Variants in LRP1B observed in about 807,000 individuals in gnomAD.
LRP1B encodes the protein LDL receptor related protein 1B, also known as low-density lipoprotein receptor-related protein 1B.
In LRP1B, 217 loss-of-function variants were observed where a neutral mutation model predicts 556.6. The ratio of observed to expected loss-of-function variants is 0.39; its 90% CI spans 0.35 to 0.44. LRP1B has a LOEUF of 0.44. Ranked by LOEUF, LRP1B falls within the 20% of genes least tolerant of loss-of-function variation. LRP1B has a pLI of 1.00. For synonymous variants in LRP1B, 2,047 were observed against 1,865.8 expected, an observed-to-expected ratio of 1.10 and a Z score of -2.50; for missense variants, 5,053 against 5,620.8, an observed-to-expected ratio of 0.90 and a Z score of 3.23.
At position 140,457,630 on chromosome 2, in the gene LRP1B, C is replaced by A. The variant is rs1452964167; in HGVS notation, c.9647G>T (p.Gly3216Val). ...TTCAAACAATGTTAGTGCAATCACC[C>A]CTGGAATATCTTGATTAGGGACTGT... ...RHKVPNQDIPGVIALTLFEDY... is the reference protein window; with the variant it reads ...RHKVPNQDIPVVIALTLFEDY... Residue 3216 changes from glycine to valine, a missense_variant, in exon 61 of 91, where the codon GGG becomes GTG. Physicochemically the swap from Gly to Val is moderately radical, Grantham distance 109 (BLOSUM62 -3). Around this residue, in one of 5 missense-constraint regions of LRP1B, gnomAD observed 262 missense variants for 395.1 expected, o/e 0.66. Transcript: ENST00000389484. 1 of 1,613,222 alleles carries A rather than the reference C, an allele frequency of 6.2e-7. No homozygotes were observed. Among genetic ancestry groups the A allele is most frequent in the Non-Finnish European group, 8.5e-7 (1 of 1,179,356 alleles).
At chr2:140,567,620 G>C (rs1681173827) in intron 43 of LRP1B, among the ~76,000 whole-genome samples, 1 of 152,086 alleles carries the variant, frequency 6.6e-6, no homozygotes, top group Non-Finnish European at 1.5e-5. Flanking sequence ...TCATGACCCA[G>C]GTGCCAAAGT....
At chr2:140,681,467 A>T (rs1028826814) in intron 41 of LRP1B, among the ~76,000 whole-genome samples, 2 of 152,186 alleles carry the variant, frequency 1.3e-5, no homozygotes, top group African/African-American at 4.8e-5. Context: ...TCTAAACCTG[A>T]TGCAGAGTAC....
intron 3 of LRP1B, among the ~76,000 whole-genome samples, chr2:141,354,349 A>T (rs2683829): frequency 1.3e-5 from 2 of 151,840 alleles, no homozygotes; most frequent in South Asian, 2.1e-4. Context: ...TCACTCACAT[A>T]ATTCAGACAA....
At chr2:141,575,579 A>G (rs1453878479) in intron 2 of LRP1B, among the ~76,000 whole-genome samples, 1 of 152,224 alleles carries the variant, frequency 6.6e-6, no homozygotes, top group African/African-American at 2.4e-5. Flanking sequence ...AGCAATTGCA[A>G]CAAAAGCCAA....
At chr2:142,072,463 T>G (rs1705353837) in intron 1 of LRP1B, among the ~76,000 whole-genome samples, 1 of 151,886 alleles carries the variant, frequency 6.6e-6, no homozygotes, top group African/African-American at 2.4e-5. Flanking sequence ...AAACACATGC[T>G]CCCTAACCCC....
chr2:141,994,875 T>C (rs1574572500), intron 1 of LRP1B, among the ~76,000 whole-genome samples: 3 of 152,118 alleles, frequency 2.0e-5, no homozygotes, highest in Non-Finnish European at 4.4e-5. Context: ...AGATTATGCT[T>C]TCCTAATATC....
intron 3 of LRP1B, among the ~76,000 whole-genome samples, chr2:141,348,464 C>T (rs1521104): frequency 0.57 from 86,177 of 151,594 alleles, 25,233 homozygotes; most frequent in Non-Finnish European, 0.62. Flanking sequence ...TATTAATCAA[C>T]ATTTATTATT....
Position 141,258,367 on chromosome 2 carries a change from T to C in LRP1B, c.344-3726A>G, listed in dbSNP as rs1170180638. 2.0e-5 allele frequency among the ~76,000 whole-genome samples: 3 copies of C among 152,036 alleles called. No homozygotes were observed. In the East Asian group the frequency reaches 5.8e-4, roughly 29 times the overall value. On this transcript the variant is annotated intron_variant, in intron 3 of 90. Coordinates refer to ENST00000389484, the MANE Select transcript of LRP1B (RefSeq NM_018557.3). The stretch of plus-strand genomic sequence containing the variant: ...TGGGCGTGGTGGTGTGTGCCTGTAG[T>C]CCCAGCTACTCGGGAGGTTGAGGCA...
Position 140,247,213 on chromosome 2 carries a change from A to C in LRP1B, c.13248-51T>G. ...AACAGATCAGCGAATAACAAAGCCC[A>C]GAAGTCAGCTAATGTAGTAACTTTA... On this transcript the variant is annotated intron_variant, in intron 86 of 90. Coordinates refer to ENST00000389484, the MANE Select transcript of LRP1B (RefSeq NM_018557.3). 4 of 1,301,586 alleles carry C rather than the reference A, an allele frequency of 3.1e-6. No individual in the cohort carries two copies. The South Asian group carries it at 4.8e-5, about 15-fold the overall frequency. The allele number at this position is 1,301,586 out of a possible 1,614,324, so 80.6% of individuals were successfully genotyped here.
intron 66 of LRP1B, among the ~76,000 whole-genome samples, chr2:140,436,722 C>G (rs891636433): frequency 1.4e-4 from 21 of 150,544 alleles, no homozygotes; most frequent in African/African-American, 5.1e-4. Context: ...ATGTAAAGTT[C>G]CCTTCTGGAT....
intron 32 of LRP1B, among the ~76,000 whole-genome samples, chr2:140,791,606 C>A (rs944916651): frequency 1.3e-5 from 2 of 152,094 alleles, no homozygotes; most frequent in Non-Finnish European, 2.9e-5. Flanking sequence ...TAAATTCAAC[C>A]AAGTGCTATG....
chr2:140,948,047 T>G (rs935123318), intron 20 of LRP1B, among the ~76,000 whole-genome samples: 1 of 152,150 alleles, frequency 6.6e-6, no homozygotes, highest in Non-Finnish European at 1.5e-5. Flanking sequence ...CAAAGAGGTG[T>G]GCCACTAACT....
intron 2 of LRP1B, among the ~76,000 whole-genome samples, chr2:141,612,555 T>A (rs1688141539): frequency 6.6e-6 from 1 of 152,170 alleles, no homozygotes; most frequent in Admixed American, 6.5e-5. Context: ...GCAGTTGGGA[T>A]GTTTGTAAAT....
chr2:140,303,411 C>T (rs1683927709), intron 83 of LRP1B, among the ~76,000 whole-genome samples: 1 of 151,690 alleles, frequency 6.6e-6, no homozygotes, highest in South Asian at 2.1e-4. Flanking sequence ...CGATGCCTGG[C>T]TATTTTTTTG....
At chr2:141,642,176 T>G (rs1689361967) in intron 2 of LRP1B, among the ~76,000 whole-genome samples, 1 of 152,156 alleles carries the variant, frequency 6.6e-6, no homozygotes, top group African/African-American at 2.4e-5. Flanking sequence ...CGAGTATTGA[T>G]ATACACAAAT....
chr2:140,583,162 C>CTTTTTTTTTTTTTTTTT lies in LRP1B; in HGVS notation c.7194+15468_7194+15469insAAAAAAAAAAAAAAAAA, dbSNP rs1220644581. On this transcript the variant is annotated intron_variant, in intron 43 of 90. Transcript: ENST00000389484. Reference sequence around the variant, plus strand: ...TGAAAGTTTCTATTGACAGTTTCTCCTTTTTTTTCTTTTTTTTTTTTTTTT... The same window carrying CTTTTTTTTTTTTTTTTT: ...TGAAAGTTTCTATTGACAGTTTCTCCTTTTTTTTTTTTTTTTTTTTTTTTTCTTTTTTTTTTTTTTTT... 4.6e-5 allele frequency among the ~76,000 whole-genome samples: 5 copies of CTTTTTTTTTTTTTTTTT among 107,816 alleles called. 1 individual carries two copies. Among genetic ancestry groups the CTTTTTTTTTTTTTTTTT allele is most frequent in the Non-Finnish European group, 3.5e-5 (2 of 57,376 alleles). 70.7% of individuals were successfully genotyped at this position (107,816 alleles called of 152,430 possible). A position where few individuals can be genotyped will look rare whatever the true frequency, so the allele number is the denominator to read the frequency against.
intron 1 of LRP1B, among the ~76,000 whole-genome samples, chr2:142,090,616 C>T (rs73963434): frequency 1.3e-5 from 2 of 151,930 alleles, no homozygotes; most frequent in Non-Finnish European, 2.9e-5. Context: ...ACATTTTGAA[C>T]TAAGTGTGTG....
chr2:141,207,881 G>T (rs1448604641), intron 6 of LRP1B, among the ~76,000 whole-genome samples: 5 of 152,160 alleles, frequency 3.3e-5, no homozygotes, highest in African/African-American at 1.2e-4. Context: ...TTACCATTTT[G>T]ACCAGGCTGA....
At chr2:140,981,030 GGGAGTTAACCTATGA>G (rs142358252) in intron 18 of LRP1B, among the ~76,000 whole-genome samples, 10,124 of 151,978 alleles carry the variant, frequency 0.067, 442 homozygotes, top group African/African-American at 0.12. Flanking sequence ...ACTTACACCT[GGGAGTTAACCTATGA>G]GGACGCAAAT....
Sources: gnomAD v4.1 joint callset for allele counts (sites outside exome capture counted in the v4.1 genomes callset) on GRCh38, gnomAD v4.1.1 for gene constraint, gnomAD v4.1.1 regional missense constraint, MANE v1.5 for transcripts, NCBI Gene and HGNC (gene_info 2026-07-23, HGNC 2026-07-21) for gene names.